LARP1B: variants seen among roughly 807,000 people sequenced by gnomAD.
LARP1B encodes the protein la-related protein 1B.
In LARP1B, 76 loss-of-function variants were observed where a neutral mutation model predicts 114.2. That is an observed-to-expected ratio of 0.67 (90% CI 0.55 to 0.81). The LOEUF (loss-of-function observed/expected upper bound fraction) is 0.81, where lower values mean the gene tolerates loss of function less well. Among genes scored for constraint, LARP1B ranks in the 30% least tolerant of loss-of-function variants. The probability of loss-of-function intolerance (pLI) is 0.00; values close to 1 mark genes in which losing one functional copy is unlikely to be tolerated. For synonymous variants in LARP1B, 345 were observed against 348.0 expected (o/e 0.99, Z 0.10); for missense variants, 1,014 against 1,075.8 (o/e 0.94, Z 0.80).
intron 7 of LARP1B, chr4:128,222,214 G>A (rs569990348): frequency 1.3e-4 from 55 of 411,242 alleles, no homozygotes; most frequent in South Asian, 3.6e-4. Context: ...CTTAGATGCC[G>A]TTATTTCTAC....
chr4:128,164,178 T>C (rs1157732026), intron 12 of LARP1B, among the ~76,000 whole-genome samples: 1 of 152,004 alleles, frequency 6.6e-6, no homozygotes, highest in Non-Finnish European at 1.5e-5. Flanking sequence ...GATATAATAG[T>C]TCCAGAATAA....
intron 1 of LARP1B, among the ~76,000 whole-genome samples, chr4:128,066,008 A>AT (rs990609669): frequency 8.1e-5 from 12 of 148,342 alleles, no homozygotes; most frequent in Admixed American, 1.3e-4. Flanking sequence ...GTTATTTTTA[A>AT]TTTTTTTTTG....
intron 15 of LARP1B, among the ~76,000 whole-genome samples, chr4:128,190,459 T>C (rs1751875853): frequency 6.6e-6 from 1 of 152,208 alleles, no homozygotes; most frequent in South Asian, 2.1e-4. Flanking sequence ...GGCTTTGTGT[T>C]CCCACCCGTC....
chr4:128,136,528 G>A (rs1242217614), intron 11 of LARP1B, among the ~76,000 whole-genome samples: 1 of 152,034 alleles, frequency 6.6e-6, no homozygotes, highest in Non-Finnish European at 1.5e-5. Context: ...ACAAAAGTTG[G>A]TAAAACAAAT....
intron 1 of LARP1B, chr4:128,069,289 T>G (rs557219842): frequency 9.1e-6 from 8 of 875,674 alleles, no homozygotes; most frequent in Non-Finnish European, 1.5e-5. Flanking sequence ...TTCAGGACTT[T>G]TAGAGCCCCA....
chr4:128,073,360 G>T (rs186192043), intron 1 of LARP1B, among the ~76,000 whole-genome samples: 2,457 of 131,658 alleles, frequency 0.019, 57 homozygotes, highest in East Asian at 0.12. Flanking sequence ...AGGTTGCAGT[G>T]AGCCAAGATT....
chr4:128,147,511 A>T (rs967677137), intron 11 of LARP1B, among the ~76,000 whole-genome samples: 2 of 152,228 alleles, frequency 1.3e-5, no homozygotes, highest in Non-Finnish European at 2.9e-5. Context: ...GAAGGGGAAC[A>T]GTAAAAAAGA....
At chr4:128,169,680 A>C (rs998144109) in intron 12 of LARP1B, among the ~76,000 whole-genome samples, 2 of 152,226 alleles carry the variant, frequency 1.3e-5, no homozygotes, top group Non-Finnish European at 2.9e-5. Context: ...CCTGTCGCCC[A>C]GGCTGGAGTG....
At chr4:128,107,889 T>C in intron 9 of LARP1B, 1 of 1,536,036 alleles carries the variant, frequency 6.5e-7, no homozygotes, top group Non-Finnish European at 8.7e-7. Context: ...TCAGTCAGGG[T>C]GATGATCTTC....
At position 128,122,438 on chromosome 4, in the gene LARP1B, G is replaced by GTT. The variant is rs377102754; in HGVS notation, c.1524+264_1524+265dup. 1.5e-3 allele frequency: 1,815 copies of GTT among 1,181,750 alleles called. 1 individual carries two copies. Among genetic ancestry groups the GTT allele is most frequent in the African/African-American group, 7.6e-3 (395 of 51,992 alleles). The allele number at this position is 1,181,750 out of a possible 1,614,324, so 73.2% of individuals were successfully genotyped here. On this transcript the variant is annotated intron_variant, in intron 11 of 19. Transcript: ENST00000326639. ...TTAGTACTCACTGACTTATACCCTTGTTTTTTTTTTTTTTTGTTTTGTTTT... is the reference window on the plus strand; with the variant it reads ...TTAGTACTCACTGACTTATACCCTTGTTTTTTTTTTTTTTTTTGTTTTGTTTT...
chr4:128,217,180 C>T (rs1389350406), intron 6 of LARP1B, among the ~76,000 whole-genome samples: 4 of 137,724 alleles, frequency 2.9e-5, no homozygotes, highest in Admixed American at 1.5e-4. Context: ...GAGTCCAGGA[C>T]CAGATGGATT....
chr4:128,116,304 G>A (rs1400583140), intron 10 of LARP1B, among the ~76,000 whole-genome samples: 1 of 152,202 alleles, frequency 6.6e-6, no homozygotes, highest in Non-Finnish European at 1.5e-5. Context: ...TCAATACCTT[G>A]TTTGGGATGT....
Position 128,082,173 on chromosome 4 carries a change from CA to C in LARP1B, c.227del (p.His76ProfsTer8). ...ATTTTGTTTTCTTCAAGCTAATAAG[CA>C]CAAGTGGGTACCACTCCACTTAGAT... is the stretch of plus-strand genomic sequence containing the variant. Reference protein sequence around the residue: ...SSNQRKRANKHKWVPLHLDVV... With the variant: ...SSNQRKRANKXKWVPLHLDVV... On this transcript the variant is annotated frameshift_variant, in exon 5 of 20. Transcript: ENST00000326639. LOFTEE classifies it high-confidence loss of function. 1 of 1,610,968 alleles carries C rather than the reference CA, an allele frequency of 6.2e-7. No homozygotes were observed. Among genetic ancestry groups the C allele is most frequent in the Non-Finnish European group, 8.5e-7 (1 of 1,179,634 alleles).
chr4:128,221,144 T>G (rs1759993879), intron 7 of LARP1B, among the ~76,000 whole-genome samples: 1 of 152,148 alleles, frequency 6.6e-6, no homozygotes, highest in Admixed American at 6.5e-5. Context: ...AAACATAAAT[T>G]ATGTGATAAA....
Position 128,166,968 on chromosome 4 carries a change from C to CTA in LARP1B, c.1648+4652_1648+4653insAT, listed in dbSNP as rs1402176736. ...TCTCTCTCTCTCTCTCTCTCTCTCT[C>CTA]TCTATATATATATATATATATATAT... On this transcript the variant is annotated intron_variant, in intron 12 of 19. Transcript: ENST00000326639. Among the ~76,000 whole-genome samples the CTA allele has an allele frequency of 4.6e-3, 375 of 81,010 alleles. 3 individuals are homozygous for CTA. The highest frequency in any genetic ancestry group is 0.011 in the African/African-American group (202 of 19,222). The allele number at this position is 81,010 out of a possible 152,430, so 53.1% of individuals were successfully genotyped here.
intron 7 of LARP1B, among the ~76,000 whole-genome samples, chr4:128,097,496 A>G (rs985839356): frequency 2.0e-5 from 3 of 151,508 alleles, no homozygotes; most frequent in African/African-American, 4.9e-5. Flanking sequence ...TAGTAGAGAC[A>G]GGTTTTCTGC....
intron 12 of LARP1B, 58 bp from the exon 13 acceptor site, chr4:128,176,814 A>G: frequency 6.7e-7 from 1 of 1,487,656 alleles, no homozygotes; most frequent in Non-Finnish European, 9.4e-7. Context: ...TAAATGAAAC[A>G]ATAAATGGAT....
chr4:128,174,893 A>G (rs1425531142), intron 12 of LARP1B, among the ~76,000 whole-genome samples: 1 of 152,144 alleles, frequency 6.6e-6, no homozygotes, highest in South Asian at 2.1e-4. Flanking sequence ...AATATCATCT[A>G]CTACCCAGTA....
chr4:128,120,768 C>T (rs569662053), intron 10 of LARP1B, among the ~76,000 whole-genome samples: 1 of 150,558 alleles, frequency 6.6e-6, no homozygotes, highest in East Asian at 2.0e-4. Context: ...CTGCACCTGG[C>T]CTAGCTGTTT....
Sources: allele counts gnomAD v4.1 joint callset (sites outside exome capture counted in the v4.1 genomes callset), GRCh38; gene constraint gnomAD v4.1.1; transcripts MANE v1.5; gene names NCBI Gene and HGNC (gene_info 2026-07-23, HGNC 2026-07-21).